The following ARHGAP24 variants were observed in gnomAD, a reference collection of about 807,000 sequenced individuals.
The protein encoded by ARHGAP24 is Rho GTPase activating protein 24.
A neutral mutation model predicts 76.4 loss-of-function variants in ARHGAP24; 50 were observed. The observed-to-expected ratio is 0.65, with a 90% confidence interval of 0.52 to 0.83. The LOEUF is 0.83. Ranked by LOEUF, ARHGAP24 falls within the 40% of genes least tolerant of loss-of-function variation. ARHGAP24 has a pLI of 0.00. For missense variants in ARHGAP24, 930 were observed against 914.2 expected (o/e 1.02, Z -0.22); for synonymous variants, 345 against 323.3 (o/e 1.07, Z -0.72).
chr4:85,833,988 G>A (rs558100943), intron 3 of ARHGAP24, among the ~76,000 whole-genome samples: 19 of 152,314 alleles, frequency 1.2e-4, no homozygotes, highest in African/African-American at 3.8e-4. Flanking sequence ...TTTCACATAT[G>A]TAATATTAGT....
intron 3 of ARHGAP24, among the ~76,000 whole-genome samples, chr4:85,865,065 G>A (rs1175303578): frequency 6.6e-6 from 1 of 152,078 alleles, no homozygotes; most frequent in Non-Finnish European, 1.5e-5. Context: ...GGAGGCCCTT[G>A]CAGATTTCCT....
intron 3 of ARHGAP24, among the ~76,000 whole-genome samples, chr4:85,796,326 G>T (rs927386388): frequency 1.3e-5 from 2 of 151,470 alleles, no homozygotes; most frequent in Non-Finnish European, 3.0e-5. Flanking sequence ...TTTGTTAACA[G>T]TGTTTGAATA....
intron 2 of ARHGAP24, among the ~76,000 whole-genome samples, chr4:85,649,009 A>ATG (rs1491155144): frequency 3.5e-4 from 13 of 37,418 alleles, no homozygotes; most frequent in African/African-American, 8.5e-4. Flanking sequence ...GCATTTGTAA[A>ATG]TATGTGTGTG....
At chr4:85,839,641 G>A (rs535711906) in intron 3 of ARHGAP24, among the ~76,000 whole-genome samples, 16 of 151,370 alleles carry the variant, frequency 1.1e-4, no homozygotes, top group Admixed American at 5.3e-4. Flanking sequence ...AGTAGAGACC[G>A]CATTTCACTA....
At chr4:85,879,862 G>A in intron 3 of ARHGAP24, among the ~76,000 whole-genome samples, 1 of 152,040 alleles carries the variant, frequency 6.6e-6, no homozygotes, top group East Asian at 1.9e-4. Flanking sequence ...GCAGGGAGAG[G>A]CGGGGAGGGA....
chr4:85,917,270 C>T (rs1170547755), intron 3 of ARHGAP24, among the ~76,000 whole-genome samples: 1 of 152,028 alleles, frequency 6.6e-6, no homozygotes, highest in African/African-American at 2.4e-5. Context: ...GCATAGTATT[C>T]CATGGTGTAT....
chr4:85,544,894 G>C (rs1486373210), intron 1 of ARHGAP24, among the ~76,000 whole-genome samples: 1 of 151,548 alleles, frequency 6.6e-6, no homozygotes, highest in African/African-American at 2.4e-5. Context: ...CGCCAGTCCA[G>C]TTCTCTTGAA....
intron 3 of ARHGAP24, among the ~76,000 whole-genome samples, chr4:85,909,297 G>GTTTT (rs373250035): frequency 6.6e-6 from 1 of 151,154 alleles, no homozygotes; most frequent in African/African-American, 2.4e-5. Flanking sequence ...GTTTTCTTTT[G>GTTTT]TTTTGTTTTT....
intron 1 of ARHGAP24, among the ~76,000 whole-genome samples, chr4:85,530,219 T>C: frequency 6.6e-6 from 1 of 152,104 alleles, no homozygotes; most frequent in South Asian, 2.1e-4. Flanking sequence ...GGGTATAAAA[T>C]AGTAAAAGAG....
rs1415442737 is a variant in ARHGAP24 at position 85,503,244 on chromosome 4, G to A, written c.-21+27685G>A. Among the ~76,000 whole-genome samples, 6 of 152,282 alleles carry A rather than the reference G, an allele frequency of 3.9e-5. No homozygotes were observed. The East Asian group carries it at 7.7e-4, about 20-fold the overall frequency. ...ATGCTGGCCTCATAAAATGAGTTAG[G>A]GAGGATTCCCTCTTTTTCTATTGAT... On this transcript the variant is annotated intron_variant, in intron 1 of 9. Coordinates refer to ENST00000395184, the MANE Select transcript of ARHGAP24 (RefSeq NM_001025616.3).
intron 2 of ARHGAP24, among the ~76,000 whole-genome samples, chr4:85,690,315 C>T (rs28809183): frequency 0.03 from 4,606 of 152,168 alleles, 235 homozygotes; most frequent in African/African-American, 0.1. Context: ...TGGGCTGATT[C>T]CAGCTCATAG....
chr4:85,907,476 A>G (rs754864696), intron 3 of ARHGAP24, among the ~76,000 whole-genome samples: 3 of 152,216 alleles, frequency 2.0e-5, no homozygotes, highest in Non-Finnish European at 2.9e-5. Context: ...GAATGACATC[A>G]ACATGACACA....
intron 1 of ARHGAP24, among the ~76,000 whole-genome samples, chr4:85,550,120 A>G (rs1296053625): frequency 2.0e-5 from 3 of 152,224 alleles, no homozygotes; most frequent in Non-Finnish European, 2.9e-5. Flanking sequence ...TATGTACTCA[A>G]TAATGGGATT....
chr4:85,596,029 G>C (rs1719823094), intron 2 of ARHGAP24, among the ~76,000 whole-genome samples: 1 of 151,742 alleles, frequency 6.6e-6, no homozygotes, highest in Non-Finnish European at 1.5e-5. Flanking sequence ...TCATCAGGGA[G>C]CTGATGACAT....
At chr4:85,606,281 A>G (rs1488655020) in intron 2 of ARHGAP24, among the ~76,000 whole-genome samples, 1 of 152,180 alleles carries the variant, frequency 6.6e-6, no homozygotes, top group Non-Finnish European at 1.5e-5. Flanking sequence ...TGGAAGGCCA[A>G]GGCGGGCAGA....
At chr4:85,622,088 CT>C (rs1046948078) in intron 2 of ARHGAP24, among the ~76,000 whole-genome samples, 44 of 151,580 alleles carry the variant, frequency 2.9e-4, no homozygotes, top group African/African-American at 9.9e-4. Flanking sequence ...ATTTTAATTT[CT>C]TTTTTAAAAA....
chr4:85,995,285 T>C lies in ARHGAP24; in HGVS notation c.1631T>C (p.Leu544Pro). Residue 544 changes from leucine (L) to proline (P), a missense_variant, in exon 9 of 10, where the codon CTT (leucine) becomes CCT (proline). Coordinates refer to ENST00000395184, the MANE Select transcript of ARHGAP24 (RefSeq NM_001025616.3). ...CATCAACAGTTCTCCATGATGAACC[T>C]TGATGACAAGCAGAGCATTGACAGT... is the stretch of plus-strand genomic sequence containing the variant. ...NVHQQFSMMN[L>P]DDKQSIDSAT... The C allele has an allele frequency of 3.1e-6, 5 of 1,613,986 alleles. No homozygotes were observed. Among genetic ancestry groups the C allele is most frequent in the Non-Finnish European group, 3.4e-6 (4 of 1,180,016 alleles).
chr4:85,941,939 T>C (rs1736971391), intron 4 of ARHGAP24, 127 bp from the exon 5 acceptor site: 1 of 900,262 alleles, frequency 1.1e-6, no homozygotes, highest in Non-Finnish European at 1.8e-6. Context: ...TAATGTGAAA[T>C]ACTGAATGTT....
At chr4:85,988,182 G>A (rs1740115377) in intron 8 of ARHGAP24, among the ~76,000 whole-genome samples, 1 of 151,862 alleles carries the variant, frequency 6.6e-6, no homozygotes, top group Admixed American at 6.6e-5. Context: ...ACGTTAAATA[G>A]TTGTTGTGGC....
Sources: allele counts gnomAD v4.1 joint callset (sites outside exome capture counted in the v4.1 genomes callset), GRCh38; gene constraint gnomAD v4.1.1; transcripts MANE v1.5; gene names NCBI Gene and HGNC (gene_info 2026-07-23, HGNC 2026-07-21).